Variants in GPATCH1 observed in about 807,000 individuals in gnomAD.
GPATCH1 encodes G patch domain-containing protein 1.
A neutral mutation model predicts 114.9 loss-of-function variants in GPATCH1; 73 were observed. That is an observed-to-expected ratio of 0.64 (90% confidence interval 0.53 to 0.77). The LOEUF (loss-of-function observed/expected upper bound fraction) is 0.77, where lower values mean the gene tolerates loss of function less well. Ranked by LOEUF, GPATCH1 falls within the 30% of genes least tolerant of loss-of-function variation. The probability of loss-of-function intolerance (pLI) is 0.00; values close to 1 mark genes in which losing one functional copy is unlikely to be tolerated. For missense variants in GPATCH1, 1,058 were observed against 1,144.3 expected (o/e 0.92, Z 1.09); for synonymous variants, 391 against 428.4 (o/e 0.91, Z 1.08).
intron 18 of GPATCH1, among the ~76,000 whole-genome samples, chr19:33,125,423 G>T (rs1353801952): frequency 6.6e-6 from 1 of 150,668 alleles, no homozygotes; most frequent in African/African-American, 2.4e-5. Flanking sequence ...TTTTGAGATG[G>T]AGTCTCACTC....
chr19:33,109,605 ATCC>A (rs1972826196), intron 10 of GPATCH1, 109 bp from the exon 11 acceptor site: 1 of 632,498 alleles, frequency 1.6e-6, no homozygotes, highest in Admixed American at 3.5e-5. Context: ...TAAACATAAA[ATCC>A]TCATCCCCAA....
intron 9 of GPATCH1, among the ~76,000 whole-genome samples, chr19:33,102,150 A>G (rs2145317564): frequency 6.6e-6 from 1 of 151,990 alleles, no homozygotes; most frequent in Admixed American, 6.6e-5. Flanking sequence ...CCTGGTCAAT[A>G]TGGCAAAACC....
At chr19:33,122,141 C>G (rs1391946233) in intron 17 of GPATCH1, among the ~76,000 whole-genome samples, 19 of 151,762 alleles carry the variant, frequency 1.3e-4, no homozygotes, top group Admixed American at 1.2e-3. Flanking sequence ...TCCTCAGCCT[C>G]TGGAGTAACT....
At chr19:33,098,415 C>A (rs182237381) in intron 8 of GPATCH1, among the ~76,000 whole-genome samples, 1 of 152,360 alleles carries the variant, frequency 6.6e-6, no homozygotes, top group African/African-American at 2.4e-5. Flanking sequence ...CTCAACACAA[C>A]TTTAACTTCA....
intron 10 of GPATCH1, 141 bp downstream of exon 10, chr19:33,107,040 AT>A: frequency 3.1e-6 from 2 of 640,760 alleles, no homozygotes; most frequent in Admixed American, 2.7e-5. Context: ...TTTATTGTAA[AT>A]GGCATACATA....
In GPATCH1 at chr19:33,093,473, C is replaced by A. The variant is rs1972620093; in HGVS notation, c.409C>A (p.Pro137Thr). 1.9e-6 allele frequency: 3 copies of A among 1,613,692 alleles called. No individual in the cohort carries two copies. The African/African-American group carries it at 4.0e-5, about 22-fold the overall frequency. The change falls in exon 4 of 20, where the codon CCT becomes ACT. Residue 137 changes from proline (P) to threonine (T), a missense_variant. Transcript: ENST00000170564. ...TAGGCAGTTGGCCGCTGCTACTGCC[C>A]CTATTCCTGGAGCCACCCTCCTTGA... ...KARQLAAATA[P>T]IPGATLLDDL... is the part of the protein sequence containing the mutation.
At chr19:33,118,752 C>T (rs904570277) in intron 16 of GPATCH1, among the ~76,000 whole-genome samples, 1 of 152,136 alleles carries the variant, frequency 6.6e-6, no homozygotes, top group African/African-American at 2.4e-5. Flanking sequence ...GGCTACGTGC[C>T]CACGGGTGCA....
intron 9 of GPATCH1, among the ~76,000 whole-genome samples, chr19:33,105,080 C>T (rs1972768312): frequency 6.6e-6 from 1 of 152,140 alleles, no homozygotes; most frequent in Admixed American, 6.6e-5. Flanking sequence ...CCACTCCCCT[C>T]CTAGCTCCTG....
rs896765625 is a variant in GPATCH1, at chr19:33,097,750, T to A, written c.853-5T>A. On this transcript the variant is annotated splice_region_variant and splice_polypyrimidine_tract_variant and intron_variant, in intron 7 of 19. Transcript: ENST00000170564. ...TGCTCAGTTTGAAACCTTGTTTTTT[T>A]AAAGGCTTTTGGTGTAGGTGCCCTG... is the stretch of plus-strand genomic sequence containing the variant. 5 of 1,613,714 alleles carry A rather than the reference T, an allele frequency of 3.1e-6. No homozygotes were observed. In the African/African-American group the frequency reaches 4.0e-5, roughly 13 times the overall value.
At chr19:33,125,551 A>C (rs762878503) in intron 18 of GPATCH1, among the ~76,000 whole-genome samples, 1 of 151,676 alleles carries the variant, frequency 6.6e-6, no homozygotes, top group Non-Finnish European at 1.5e-5. Context: ...CACCCGGCTA[A>C]TTTTTTGTAT....
At chr19:33,088,385 C>A in intron 2 of GPATCH1, 117 bp downstream of exon 2, 1 of 771,092 alleles carries the variant, frequency 1.3e-6, no homozygotes, top group Non-Finnish European at 2.0e-6. Context: ...CGCTCTGTCG[C>A]CCAGGCTGGA....
intron 8 of GPATCH1, among the ~76,000 whole-genome samples, chr19:33,100,624 A>G (rs1026568312): frequency 6.6e-6 from 1 of 150,852 alleles, no homozygotes; most frequent in African/African-American, 2.4e-5. Flanking sequence ...AACAGGAGTC[A>G]AAGCACAAAG....
At position 33,094,257 on chromosome 19, in the gene GPATCH1, C is replaced by A; in HGVS notation, c.541C>A (p.Arg181=). The A allele has an allele frequency of 6.4e-7, 1 of 1,570,256 alleles. No homozygotes were observed. Among genetic ancestry groups the A allele is most frequent in the Non-Finnish European group, 8.8e-7 (1 of 1,140,392 alleles). The stretch of plus-strand genomic sequence containing the variant: ...TCCTCGAGTAAAGAGACGGCCACGC[C>A]GACAGAAACCTGGTGTGTATGTTAA... The part of the protein sequence containing the change: ...VGPRVKRRPR[R]QKPDPGVKIY... The change falls in exon 5 of 20, where the codon CGA becomes AGA. Residue 181 remains arginine, a synonymous_variant. Coordinates refer to ENST00000170564, the MANE Select transcript of GPATCH1 (RefSeq NM_018025.3).
Position 33,113,770 on chromosome 19 carries a change from A to C in GPATCH1, c.1896A>C (p.Ser632=), listed in dbSNP as rs375455433. The change falls in exon 14 of 20, where the codon TCA becomes TCC. Residue 632 remains serine (S), a synonymous_variant. Coordinates refer to ENST00000170564, the MANE Select transcript of GPATCH1 (RefSeq NM_018025.3). ...RFNVPDPYPD[S]TLVGLPRVKR... is the part of the protein sequence containing the mutation. ...TGATTCTTTTTTCAATTCCCAGTTCAACTTTAGTTGGCTTACCAAGAGTGA... is the reference window on the plus strand; with the variant it reads ...TGATTCTTTTTTCAATTCCCAGTTCCACTTTAGTTGGCTTACCAAGAGTGA... 8 of 1,613,150 alleles carry C rather than the reference A, an allele frequency of 5.0e-6. No individual in the cohort carries two copies. Among genetic ancestry groups the C allele is most frequent in the Non-Finnish European group, 6.8e-6 (8 of 1,179,536 alleles).
chr19:33,088,175 G>A lies in GPATCH1; in HGVS notation c.115G>A (p.Val39Ile), dbSNP rs1958362442. 1.9e-6 allele frequency: 3 copies of A among 1,563,746 alleles called. No homozygotes were observed. Among genetic ancestry groups the A allele is most frequent in the Non-Finnish European group, 2.6e-6 (3 of 1,145,274 alleles). Reference sequence around the variant, plus strand: ...ACCAATCCCTCTTCAGGATCAGACTGTCAGAGATGAAAAAGGAAGGTATAA... The same window carrying A: ...ACCAATCCCTCTTCAGGATCAGACTATCAGAGATGAAAAAGGAAGGTATAA... ...KKPIPLQDQT[V>I]RDEKGRYKRF... Residue 39 changes from valine (V) to isoleucine (I), a missense_variant, in exon 2 of 20, where the codon GTC becomes ATC. Val to Ile is a conservative substitution (Grantham distance 29, BLOSUM62 3). Around this residue, in one of 3 missense-constraint regions of GPATCH1, gnomAD observed 131 missense variants for 107.2 expected, o/e 1.22. Transcript: ENST00000170564.
intron 13 of GPATCH1, 44 bp from the exon 14 acceptor site, chr19:33,113,723 G>T (rs764859809): frequency 6.3e-7 from 1 of 1,586,758 alleles, no homozygotes; most frequent in African/African-American, 1.3e-5. Context: ...GGTGGATTTT[G>T]TCCTACTGGT....
At position 33,096,430 on chromosome 19, in the gene GPATCH1, T is replaced by G; in HGVS notation, c.836T>G (p.Leu279Trp). The G allele has an allele frequency of 6.2e-7, 1 of 1,610,774 alleles. No individual in the cohort carries two copies. Among genetic ancestry groups the G allele is most frequent in the Non-Finnish European group, 8.5e-7 (1 of 1,178,806 alleles). Residue 279 changes from leucine (L) to tryptophan (W), a missense_variant, in exon 7 of 20, where the codon TTG becomes TGG. Leu to Trp is a moderately conservative substitution (Grantham distance 61). Coordinates refer to ENST00000170564, the MANE Select transcript of GPATCH1 (RefSeq NM_018025.3). ...ATTGGACTGAATAAAGGAAGAAAATTGGGAATTTCAGGCCAGGTAAAATTA... is the reference window on the plus strand; with the variant it reads ...ATTGGACTGAATAAAGGAAGAAAATGGGGAATTTCAGGCCAGGTAAAATTA... ...GEIGLNKGRK[L>W]GISGQAFGVG...
chr19:33,125,494 C>T (rs763359510), intron 18 of GPATCH1, among the ~76,000 whole-genome samples: 19 of 150,726 alleles, frequency 1.3e-4, no homozygotes, highest in Non-Finnish European at 2.4e-4. Context: ...AAGCAATTCT[C>T]CTGCTTCAGC....
chr19:33,115,722 G>A (rs927483882), intron 15 of GPATCH1, among the ~76,000 whole-genome samples: 3 of 151,002 alleles, frequency 2.0e-5, no homozygotes, highest in African/African-American at 7.3e-5. Context: ...TTAAACTCTT[G>A]ACCTTAGGTG....
Sources: gnomAD v4.1 joint callset for allele counts (sites outside exome capture counted in the v4.1 genomes callset) on GRCh38, gnomAD v4.1.1 for gene constraint, gnomAD v4.1.1 regional missense constraint, MANE v1.5 for transcripts, NCBI Gene and HGNC (gene_info 2026-07-23, HGNC 2026-07-21) for gene names.